FOXJ3: variants seen among roughly 807,000 people sequenced by gnomAD.
FOXJ3 encodes the protein forkhead box protein J3.
In FOXJ3, 22 loss-of-function variants were observed where a neutral mutation model predicts 76.1. The observed-to-expected ratio is 0.29, with a 90% CI of 0.21 to 0.41. FOXJ3 has a LOEUF of 0.41. Ranked by LOEUF, FOXJ3 falls within the 10% of genes least tolerant of loss-of-function variation. The pLI is 1.00. For synonymous variants in FOXJ3, 269 were observed against 261.2 expected (o/e 1.03, Z -0.29); for missense variants, 613 against 762.1 (o/e 0.80, Z 2.30).
chr1:42,216,386 C>T (rs1043706414), intron 5 of FOXJ3, among the ~76,000 whole-genome samples: 5 of 151,626 alleles, frequency 3.3e-5, no homozygotes, highest in African/African-American at 4.8e-5. Context: ...GGCGTGGTAG[C>T]GGGCGCCTGT....
At chr1:42,204,265 C>T (rs1244841192) in intron 6 of FOXJ3, among the ~76,000 whole-genome samples, 7 of 152,028 alleles carry the variant, frequency 4.6e-5, no homozygotes, top group Admixed American at 1.3e-4. Context: ...TCCAATACCT[C>T]CCTCTTCTTT....
intron 2 of FOXJ3, among the ~76,000 whole-genome samples, chr1:42,291,109 C>CAG (rs1422873960): frequency 3.0e-5 from 3 of 100,682 alleles, no homozygotes; most frequent in Non-Finnish European, 4.4e-5. Flanking sequence ...CAGATAGATC[C>CAG]ACAGTCACTT....
intron 2 of FOXJ3, among the ~76,000 whole-genome samples, chr1:42,294,688 G>A (rs1224258997): frequency 6.6e-6 from 1 of 151,432 alleles, no homozygotes; most frequent in African/African-American, 2.4e-5. Flanking sequence ...CTTGAACCCG[G>A]GAGGCGGAGG....
chr1:42,194,099 A>G (rs189304772), intron 8 of FOXJ3, among the ~76,000 whole-genome samples: 11 of 152,330 alleles, frequency 7.2e-5, no homozygotes, highest in Non-Finnish European at 8.8e-5. Flanking sequence ...TAAATTACCC[A>G]TTCTAAGGTA....
At chr1:42,302,705 C>T (rs1654230095) in intron 2 of FOXJ3, among the ~76,000 whole-genome samples, 1 of 152,184 alleles carries the variant, frequency 6.6e-6, no homozygotes, top group Non-Finnish European at 1.5e-5. Context: ...TAAAGCTTGC[C>T]TATGATAAGC....
chr1:42,329,294 T>TA (rs1656020279), intron 1 of FOXJ3, among the ~76,000 whole-genome samples: 1 of 152,212 alleles, frequency 6.6e-6, no homozygotes. Context: ...CAAATTCTAT[T>TA]AAATCAAAAA....
At chr1:42,307,893 C>T (rs1478930338) in intron 2 of FOXJ3, among the ~76,000 whole-genome samples, 1 of 152,104 alleles carries the variant, frequency 6.6e-6, no homozygotes, top group East Asian at 1.9e-4. Context: ...ATTTTAACAA[C>T]AATTCTAACA....
chr1:42,183,778 C>G (rs1646378949), intron 11 of FOXJ3, among the ~76,000 whole-genome samples: 1 of 152,080 alleles, frequency 6.6e-6, no homozygotes, highest in Non-Finnish European at 1.5e-5. Flanking sequence ...TCTTTACCCT[C>G]CAGTGGAAAG....
chr1:42,252,810 T>C (rs1343769838), intron 4 of FOXJ3, among the ~76,000 whole-genome samples: 2 of 152,064 alleles, frequency 1.3e-5, no homozygotes, highest in Non-Finnish European at 2.9e-5. Flanking sequence ...ATGGGACATA[T>C]CTCAAAATAA....
chr1:42,323,724 C>T (rs1018702719), intron 1 of FOXJ3: 2 of 975,268 alleles, frequency 2.1e-6, no homozygotes, highest in Admixed American at 1.2e-4. Context: ...GTCTTGCATG[C>T]ACAGGTACTC....
At chr1:42,251,809 C>T (rs1439924367) in intron 4 of FOXJ3, among the ~76,000 whole-genome samples, 2 of 147,204 alleles carry the variant, frequency 1.4e-5, no homozygotes, top group Admixed American at 7.0e-5. Flanking sequence ...AGCTCCGCCT[C>T]CCGGGTTCAT....
At chr1:42,286,965 C>T (rs907796244) in intron 2 of FOXJ3, among the ~76,000 whole-genome samples, 3 of 151,816 alleles carry the variant, frequency 2.0e-5, no homozygotes, top group Non-Finnish European at 4.4e-5. Context: ...TGGAGACCAA[C>T]AATATTTCTT....
intron 1 of FOXJ3, among the ~76,000 whole-genome samples, chr1:42,324,049 ATATACACTG>A (rs1373605700): frequency 2.1e-5 from 3 of 145,368 alleles, no homozygotes; most frequent in African/African-American, 7.7e-5. Flanking sequence ...TATATATAGT[ATATACACTG>A]TATATACACA....
Position 42,191,697 on chromosome 1 carries a change from T to C in FOXJ3, c.957A>G (p.Glu319=). The change falls in exon 9 of 13, where the codon GAA becomes GAG. Residue 319 remains glutamate (E), a synonymous_variant. Coordinates refer to ENST00000361346, the MANE Select transcript of FOXJ3 (RefSeq NM_014947.5). ...SQQGLMNIPS[E]SSQQSHTSCT... ...ATGAAGTGTGGGACTGCTGGGAAGA[T>C]TCAGAAGGGATGTTCATCAAACCTA... 4 of 1,612,222 alleles carry C rather than the reference T, an allele frequency of 2.5e-6. No individual in the cohort carries two copies. Among genetic ancestry groups the C allele is most frequent in the Non-Finnish European group, 3.4e-6 (4 of 1,178,388 alleles).
intron 4 of FOXJ3, among the ~76,000 whole-genome samples, chr1:42,228,683 T>C (rs536615489): frequency 1.3e-5 from 2 of 151,848 alleles, no homozygotes; most frequent in African/African-American, 2.4e-5. Flanking sequence ...CCATTCAAAG[T>C]TGTGAGAACC....
chr1:42,220,429 C>G (rs1018243698), intron 5 of FOXJ3, among the ~76,000 whole-genome samples: 1 of 152,166 alleles, frequency 6.6e-6, no homozygotes, highest in African/African-American at 2.4e-5. Context: ...AAAACACACT[C>G]CACCAATAGA....
At chr1:42,200,878 A>C (rs1646751382) in intron 6 of FOXJ3, among the ~76,000 whole-genome samples, 1 of 152,194 alleles carries the variant, frequency 6.6e-6, no homozygotes, top group Admixed American at 6.5e-5. Flanking sequence ...CCCACAAAGA[A>C]CATCTGGACT....
intron 4 of FOXJ3, among the ~76,000 whole-genome samples, chr1:42,240,158 C>T (rs1169557736): frequency 6.6e-6 from 1 of 152,172 alleles, no homozygotes; most frequent in Non-Finnish European, 1.5e-5. Context: ...ACTCAATATA[C>T]TATTTGGGTC....
At chr1:42,324,535 T>C (rs953810364) in intron 1 of FOXJ3, among the ~76,000 whole-genome samples, 24 of 151,944 alleles carry the variant, frequency 1.6e-4, no homozygotes, top group African/African-American at 5.1e-4. Flanking sequence ...GGATACTTTC[T>C]AAGAAACGTG....
Sources: gnomAD v4.1 joint callset for allele counts (sites outside exome capture counted in the v4.1 genomes callset) on GRCh38, gnomAD v4.1.1 for gene constraint, MANE v1.5 for transcripts, NCBI Gene and HGNC (gene_info 2026-07-23, HGNC 2026-07-21) for gene names.